EXOC6B: variants seen among roughly 807,000 people sequenced by gnomAD.
The protein encoded by EXOC6B is exocyst complex component 6B.
A neutral mutation model predicts 113.5 loss-of-function variants in EXOC6B; 54 were observed. That is an observed-to-expected ratio of 0.48 (90% CI 0.38 to 0.60). The LOEUF (loss-of-function observed/expected upper bound fraction) is 0.60. Ranked by LOEUF, EXOC6B falls within the 20% of genes least tolerant of loss-of-function variation. EXOC6B has a pLI of 0.00. For missense variants in EXOC6B, 797 were observed against 977.5 expected, an observed-to-expected ratio of 0.82 and a Z score of 2.46; for synonymous variants, 357 against 339.0, an observed-to-expected ratio of 1.05 and a Z score of -0.58.
chr2:72,401,773 T>C (rs942562753), intron 18 of EXOC6B, among the ~76,000 whole-genome samples: 8 of 142,258 alleles, frequency 5.6e-5, no homozygotes, highest in Admixed American at 5.1e-4. Flanking sequence ...AAACAGAAAG[T>C]TTCTGTTAAA....
chr2:72,434,843 T>C (rs1573111112), intron 18 of EXOC6B, among the ~76,000 whole-genome samples: 1 of 152,196 alleles, frequency 6.6e-6, no homozygotes, highest in African/African-American at 2.4e-5. Context: ...TTGTTAATCT[T>C]TTCAAAAAAC....
intron 11 of EXOC6B, among the ~76,000 whole-genome samples, chr2:72,507,420 A>G (rs536121842): frequency 6.6e-6 from 1 of 152,224 alleles, no homozygotes; most frequent in South Asian, 2.1e-4. Flanking sequence ...TAACTCACCC[A>G]TTTAAAGTAC....
At chr2:72,680,149 G>A (rs377742782) in intron 6 of EXOC6B, among the ~76,000 whole-genome samples, 16 of 152,270 alleles carry the variant, frequency 1.1e-4, no homozygotes, top group African/African-American at 3.1e-4. Context: ...TCCAGATAAA[G>A]TGTATATGGA....
intron 6 of EXOC6B, among the ~76,000 whole-genome samples, chr2:72,709,095 C>A (rs1679094380): frequency 6.6e-6 from 1 of 151,628 alleles, no homozygotes; most frequent in East Asian, 1.9e-4. Flanking sequence ...GCTAAAACTT[C>A]TTCTCAAGAT....
At chr2:72,757,693 C>A (rs1682503979) in intron 1 of EXOC6B, among the ~76,000 whole-genome samples, 1 of 152,138 alleles carries the variant, frequency 6.6e-6, no homozygotes, top group Non-Finnish European at 1.5e-5. Flanking sequence ...TCTAGACAGC[C>A]TATCTCTCTG....
chr2:72,659,281 G>A (rs970541043), intron 6 of EXOC6B, among the ~76,000 whole-genome samples: 1 of 152,084 alleles, frequency 6.6e-6, no homozygotes, highest in African/African-American at 2.4e-5. Context: ...GCAAATAACT[G>A]TCATGGGATC....
intron 20 of EXOC6B, among the ~76,000 whole-genome samples, chr2:72,212,220 A>C (rs975724777): frequency 6.6e-6 from 1 of 152,182 alleles, no homozygotes; most frequent in Non-Finnish European, 1.5e-5. Flanking sequence ...GAGCAAAAAC[A>C]TTGTTTTCAA....
chr2:72,704,680 T>C (rs1678716919), intron 6 of EXOC6B, among the ~76,000 whole-genome samples: 1 of 151,720 alleles, frequency 6.6e-6, no homozygotes, highest in African/African-American at 2.4e-5. Context: ...CAAACTACCA[T>C]CAGGGAATAC....
At chr2:72,730,311 T>A (rs1680553281) in intron 5 of EXOC6B, among the ~76,000 whole-genome samples, 2 of 152,178 alleles carry the variant, frequency 1.3e-5, no homozygotes, top group Admixed American at 1.3e-4. Flanking sequence ...GTCAGTAGAC[T>A]ATGAGTAAAG....
chr2:72,825,661 C>A lies in EXOC6B; in HGVS notation c.113+137G>T, dbSNP rs541428063. ...GTCGGGGCTGCGAAGGGAGACCCGC[C>A]TCGCCCGGTATGCAGGGTCTCTCCG... On this transcript the variant is annotated intron_variant, in intron 1 of 21. Coordinates refer to ENST00000272427, the MANE Select transcript of EXOC6B (RefSeq NM_015189.3). The surrounding 1 kb of genome is among the most constrained non-coding windows in gnomAD (Gnocchi z 4.4). The A allele has an allele frequency of 1.8e-6, 2 of 1,117,222 alleles. No individual in the cohort carries two copies. Among genetic ancestry groups the A allele is most frequent in the Non-Finnish European group, 2.4e-6 (2 of 841,350 alleles). The allele number at this position is 1,117,222 out of a possible 1,614,324, so 69.2% of individuals were successfully genotyped here.
chr2:72,250,793 A>G (rs1682967036), intron 20 of EXOC6B, among the ~76,000 whole-genome samples: 1 of 151,290 alleles, frequency 6.6e-6, no homozygotes, highest in Non-Finnish European at 1.5e-5. Flanking sequence ...TGTTTCCTGA[A>G]GATAAAAGAA....
intron 1 of EXOC6B, among the ~76,000 whole-genome samples, chr2:72,816,828 A>T (rs1268768971): frequency 6.6e-6 from 1 of 152,242 alleles, no homozygotes; most frequent in Non-Finnish European, 1.5e-5. Flanking sequence ...AATCAATCAG[A>T]TAACAAATCA....
chr2:72,388,704 G>T (rs1209635904), intron 18 of EXOC6B, among the ~76,000 whole-genome samples: 2 of 152,000 alleles, frequency 1.3e-5, no homozygotes, highest in Non-Finnish European at 2.9e-5. Flanking sequence ...TTTCAGTTCT[G>T]CCAGTTTTTG....
At chr2:72,637,433 A>C (rs756010083) in intron 6 of EXOC6B, among the ~76,000 whole-genome samples, 1 of 152,168 alleles carries the variant, frequency 6.6e-6, no homozygotes, top group Non-Finnish European at 1.5e-5. Context: ...CAAATTTACA[A>C]GAAAAAAACA....
chr2:72,447,281 T>C (rs1696644230), intron 18 of EXOC6B, among the ~76,000 whole-genome samples: 2 of 152,188 alleles, frequency 1.3e-5, no homozygotes, highest in Non-Finnish European at 2.9e-5. Flanking sequence ...ACCATCTTTA[T>C]TTCATTTTTG....
intron 7 of EXOC6B, among the ~76,000 whole-genome samples, chr2:72,564,851 G>C (rs1460226264): frequency 6.6e-6 from 1 of 152,104 alleles, no homozygotes; most frequent in East Asian, 1.9e-4. Flanking sequence ...TCCTAAAAAA[G>C]CACAAAATTA....
At chr2:72,407,911 G>C (rs1422263852) in intron 18 of EXOC6B, among the ~76,000 whole-genome samples, 1 of 152,182 alleles carries the variant, frequency 6.6e-6, no homozygotes, top group Non-Finnish European at 1.5e-5. Context: ...ATGAGGAAAA[G>C]AGGAAGTCAA....
intron 20 of EXOC6B, among the ~76,000 whole-genome samples, chr2:72,227,224 G>C (rs974496360): frequency 1.3e-5 from 2 of 152,096 alleles, no homozygotes; most frequent in African/African-American, 2.4e-5. Flanking sequence ...CTGCCTATAA[G>C]AGATAAATTT....
intron 20 of EXOC6B, among the ~76,000 whole-genome samples, chr2:72,234,083 CTT>C (rs34660222): frequency 0.04 from 5,322 of 131,760 alleles, 120 homozygotes; most frequent in Non-Finnish European, 0.053. Context: ...TGGACCGCCT[CTT>C]TTTTTTTTTT....
Sources: gnomAD v4.1 joint callset for allele counts (sites outside exome capture counted in the v4.1 genomes callset) on GRCh38, gnomAD v4.1.1 for gene constraint, Gnocchi (gnomAD v3.1) non-coding constraint, MANE v1.5 for transcripts, NCBI Gene and HGNC (gene_info 2026-07-23, HGNC 2026-07-21) for gene names.